GRAMD2A: variants seen among roughly 807,000 people sequenced by gnomAD.
The protein encoded by GRAMD2A is GRAM domain containing 2A, also known as GRAM domain-containing protein 2A.
Under a neutral mutation model 51.1 loss-of-function variants are expected in GRAMD2A, and 37 were observed. The observed-to-expected ratio is 0.72, with a 90% CI of 0.56 to 0.95. The LOEUF (loss-of-function observed/expected upper bound fraction) is 0.95, where lower values mean the gene tolerates loss of function less well. Ranked by LOEUF, GRAMD2A falls within the 40% of genes least tolerant of loss-of-function variation. The probability of loss-of-function intolerance (pLI) is 0.00; values close to 1 mark genes in which losing one functional copy is unlikely to be tolerated. For missense variants in GRAMD2A, 414 were observed against 426.9 expected (o/e 0.97, Z 0.27); for synonymous variants, 136 against 157.1 (o/e 0.87, Z 1.01).
At chr15:72,172,398 T>A (rs1168777189) in intron 1 of GRAMD2A, among the ~76,000 whole-genome samples, 1 of 149,728 alleles carries the variant, frequency 6.7e-6, no homozygotes, top group South Asian at 2.1e-4. Context: ...GGATTACAGG[T>A]GTGAGCCACC....
At position 72,163,327 on chromosome 15, in the gene GRAMD2A, G is replaced by A; in HGVS notation, c.895C>T (p.Pro299Ser). 6.2e-7 allele frequency: 1 copy of A among 1,613,862 alleles called. No homozygotes were observed. The highest frequency in any genetic ancestry group is 8.5e-7 in the Non-Finnish European group (1 of 1,179,776). The change falls in exon 10 of 12, where the codon CCC (proline) becomes TCC (serine). Residue 299 changes from proline to serine, a missense_variant. Pro to Ser is a moderately conservative substitution (Grantham distance 74). Coordinates refer to ENST00000309731, the MANE Select transcript of GRAMD2A (RefSeq NM_001012642.3). ...VYEEDELEEE[P>S]RSTGELRLWD... ...AGCCTCAGCTCCCCAGTGCTCCTGG[G>A]CTCCTCCTCCAGCTCATCCTCCTCA...
rs1446256274 is a variant in GRAMD2A at position 72,167,892 on chromosome 15, C to G, written c.269-53G>C. Reference sequence around the variant, plus strand: ...CATAAGCAAGGTCAGCCCAGGAAGCCCCAGGACCTGGGTCCTCACGTTCTG... The same window carrying G: ...CATAAGCAAGGTCAGCCCAGGAAGCGCCAGGACCTGGGTCCTCACGTTCTG... On this transcript the variant is annotated intron_variant, in intron 4 of 11. Transcript: ENST00000309731. 2.3e-6 allele frequency: 3 copies of G among 1,329,770 alleles called. No homozygotes were observed. The African/African-American group carries it at 4.3e-5, about 19-fold the overall frequency. The allele number at this position is 1,329,770 out of a possible 1,614,324, so 82.4% of individuals were successfully genotyped here.
intron 1 of GRAMD2A, among the ~76,000 whole-genome samples, chr15:72,184,490 C>T (rs2081721185): frequency 6.6e-6 from 1 of 152,226 alleles, no homozygotes; most frequent in Non-Finnish European, 1.5e-5. Context: ...AAGGAGCGCG[C>T]GCCCCTCTGA....
At chr15:72,189,555 T>C (rs1240013387) in intron 1 of GRAMD2A, among the ~76,000 whole-genome samples, 1 of 152,154 alleles carries the variant, frequency 6.6e-6, no homozygotes, top group Admixed American at 6.5e-5. Context: ...AAACAAAAAG[T>C]GTATTTTAAA....
intron 1 of GRAMD2A, among the ~76,000 whole-genome samples, chr15:72,194,556 A>G (rs1242208137): frequency 6.6e-6 from 1 of 152,212 alleles, no homozygotes; most frequent in Non-Finnish European, 1.5e-5. Flanking sequence ...AACAGAGTTC[A>G]TGGTGGAGAT....
At chr15:72,196,999 T>A (rs1297690322) in intron 1 of GRAMD2A, among the ~76,000 whole-genome samples, 1 of 152,028 alleles carries the variant, frequency 6.6e-6, no homozygotes, top group Non-Finnish European at 1.5e-5. Context: ...AATTGACAGG[T>A]TCCCCCAAAC....
chr15:72,180,875 G>A (rs548194087), intron 1 of GRAMD2A, among the ~76,000 whole-genome samples: 3 of 152,266 alleles, frequency 2.0e-5, no homozygotes, highest in Admixed American at 1.3e-4. Context: ...CAGAGGCCAC[G>A]AACTGTATAA....
At chr15:72,163,021 C>T (rs1194787042) in intron 10 of GRAMD2A, 2 of 481,516 alleles carry the variant, frequency 4.2e-6, no homozygotes, top group Non-Finnish European at 7.4e-6. Context: ...ATCTCCATAT[C>T]CTGCCCCTCT....
intron 1 of GRAMD2A, among the ~76,000 whole-genome samples, chr15:72,193,598 C>T (rs2081784155): frequency 6.6e-6 from 1 of 151,890 alleles, no homozygotes; most frequent in Non-Finnish European, 1.5e-5. Context: ...TCTCTGCTCA[C>T]TGCAAGCTCC....
intron 1 of GRAMD2A, among the ~76,000 whole-genome samples, chr15:72,179,469 G>A (rs898496702): frequency 4.6e-5 from 7 of 152,344 alleles, no homozygotes; most frequent in South Asian, 2.1e-4. Flanking sequence ...GGGTGCCCCC[G>A]GAGACTGGCT....
At chr15:72,188,057 G>C in intron 1 of GRAMD2A, among the ~76,000 whole-genome samples, 1 of 152,166 alleles carries the variant, frequency 6.6e-6, no homozygotes. Context: ...AATGCTCACT[G>C]GCTGGGCGTG....
chr15:72,166,670 C>A lies in GRAMD2A; in HGVS notation c.505G>T (p.Val169Leu). Reference sequence around the variant, plus strand: ...CAGACTCTCCTCAGCAGGTCATATACACTGTCCCGGGAGAGCAGTGACACA... The same window carrying A: ...CAGACTCTCCTCAGCAGGTCATATAAACTGTCCCGGGAGAGCAGTGACACA... ...IFVSLLSRDS[V>L]YDLLRRVCTH... is the part of the protein sequence containing the mutation. Residue 169 changes from valine (V) to leucine (L), a missense_variant, in exon 7 of 12, where the codon GTA (valine) becomes TTA (leucine). Val to Leu is a conservative substitution (Grantham distance 32). Transcript: ENST00000309731. This position sits in a 1 kb window ranked among gnomAD's most constrained non-coding sequence, Gnocchi z 4.1. 6.2e-7 allele frequency: 1 copy of A among 1,613,916 alleles called. No homozygotes were observed.
chr15:72,174,136 C>T (rs1199850354), intron 1 of GRAMD2A, among the ~76,000 whole-genome samples: 1 of 152,072 alleles, frequency 6.6e-6, no homozygotes, highest in East Asian at 1.9e-4. Flanking sequence ...ACTTTCCACT[C>T]AATAGTGGTG....
At chr15:72,183,155 G>GAGCC (rs993968150) in intron 1 of GRAMD2A, among the ~76,000 whole-genome samples, 1 of 151,490 alleles carries the variant, frequency 6.6e-6, no homozygotes, top group Non-Finnish European at 1.5e-5. Context: ...TTACAGGTGT[G>GAGCC]AGCCACTGTG....
chr15:72,191,723 T>G (rs566308564), intron 1 of GRAMD2A, among the ~76,000 whole-genome samples: 15 of 152,164 alleles, frequency 9.9e-5, no homozygotes, highest in African/African-American at 3.1e-4. Context: ...CAACTCCCAA[T>G]GTATAGGAAA....
chr15:72,166,381 A>G lies in GRAMD2A; in HGVS notation c.543+251T>C, dbSNP rs1339457156. On this transcript the variant is annotated intron_variant, in intron 7 of 11. Coordinates refer to ENST00000309731, the MANE Select transcript of GRAMD2A (RefSeq NM_001012642.3). The surrounding 1 kb of genome is among the most constrained non-coding windows in gnomAD (Gnocchi z 4.1). The stretch of plus-strand genomic sequence containing the variant: ...TCAACTTTTGATGGGTTCATGGGAC[A>G]TAAGCCCATGAACAAGGAGCATCTG... Among the ~76,000 whole-genome samples the G allele has an allele frequency of 1.3e-5, 2 of 152,224 alleles. No individual in the cohort carries two copies. The highest frequency in any genetic ancestry group is 2.4e-5 in the African/African-American group (1 of 41,456).
rs139817220 is a variant in GRAMD2A at position 72,163,385 on chromosome 15, C to T, written c.837G>A (p.Pro279=). The part of the protein sequence containing the change: ...GWGPACPKKM[P]NCSPTAKNAV... ...CATTCTTTGCAGTGGGAGAGCAGTT[C>T]GGCATCTTCTTAGGGCAGGCAGGAC... is the stretch of plus-strand genomic sequence containing the variant. Residue 279 remains proline (P), a synonymous_variant, in exon 10 of 12, where the codon CCG becomes CCA. Transcript: ENST00000309731. The T allele has an allele frequency of 1.4e-5, 23 of 1,613,966 alleles. No homozygotes were observed. Among genetic ancestry groups the T allele is most frequent in the Middle Eastern group, 1.6e-4 (1 of 6,084 alleles).
chr15:72,182,015 G>C (rs1286170251), intron 1 of GRAMD2A, among the ~76,000 whole-genome samples: 1 of 152,096 alleles, frequency 6.6e-6, no homozygotes. Context: ...GGGACAAACT[G>C]AATATCCACA....
At chr15:72,190,231 T>C (rs1016685487) in intron 1 of GRAMD2A, among the ~76,000 whole-genome samples, 2 of 151,896 alleles carry the variant, frequency 1.3e-5, no homozygotes, top group Non-Finnish European at 2.9e-5. Flanking sequence ...TACAAAAAAA[T>C]AGCCGGGCGT....
Sources: allele counts gnomAD v4.1 joint callset (sites outside exome capture counted in the v4.1 genomes callset), GRCh38; gene constraint gnomAD v4.1.1; non-coding constraint Gnocchi (gnomAD v3.1); transcripts MANE v1.5; gene names NCBI Gene and HGNC (gene_info 2026-07-23, HGNC 2026-07-21).